Variants in EFR3B observed in about 807,000 individuals in gnomAD.
The protein encoded by EFR3B is protein EFR3 homolog B.
In EFR3B, 64 loss-of-function variants were observed where a neutral mutation model predicts 104.7. The observed-to-expected ratio is 0.61, with a 90% CI of 0.50 to 0.75. The LOEUF (loss-of-function observed/expected upper bound fraction) is 0.75. EFR3B is among the 30% of genes least tolerant of loss of function. The pLI is 0.00. For missense variants in EFR3B, 750 were observed against 1,078.5 expected, an observed-to-expected ratio of 0.70 and a Z score of 4.27; for synonymous variants, 385 against 417.9, an observed-to-expected ratio of 0.92 and a Z score of 0.96.
rs1208043854 is a variant in EFR3B, at chr2:25,141,350, T to A, written c.1855-16T>A. ...CCTGCTGAACCAGCTCTTATCTGATTCCTCCCAACCGCCAGGTGATAGAGA... is the reference window on the plus strand; with the variant it reads ...CCTGCTGAACCAGCTCTTATCTGATACCTCCCAACCGCCAGGTGATAGAGA... On this transcript the variant is annotated splice_polypyrimidine_tract_variant and intron_variant, in intron 16 of 22. Transcript: ENST00000403714. 6.4e-7 allele frequency: 1 copy of A among 1,550,774 alleles called. No homozygotes were observed. The highest frequency in any genetic ancestry group is 8.7e-7 in the Non-Finnish European group (1 of 1,146,596).
chr2:25,083,048 CAT>C (rs1388526309), intron 1 of EFR3B, among the ~76,000 whole-genome samples: 1 of 152,180 alleles, frequency 6.6e-6, no homozygotes, highest in African/African-American at 2.4e-5. Context: ...CTGCCAAAAT[CAT>C]GTGTCATTGA....
At chr2:25,045,124 C>T (rs1297402657) in intron 1 of EFR3B, among the ~76,000 whole-genome samples, 1 of 152,186 alleles carries the variant, frequency 6.6e-6, no homozygotes, top group Non-Finnish European at 1.5e-5. Context: ...CCTCTTTGGG[C>T]CCCCTTGGAC....
In EFR3B at chr2:25,061,761, G is replaced by T. The variant is rs112818346; in HGVS notation, c.7+19442G>T. ...TCCACCCGCCTTGGCCTCCCAAAGT[G>T]CTGGGATTATAGGCGTGAGCCACCC... On this transcript the variant is annotated intron_variant, in intron 1 of 22. Transcript: ENST00000403714. 4.8e-4 allele frequency among the ~76,000 whole-genome samples: 73 copies of T among 152,058 alleles called. 1 individual carries two copies. Among genetic ancestry groups the T allele is most frequent in the Middle Eastern group, 6.8e-3 (2 of 292 alleles).
chr2:25,056,981 G>C (rs1189549292), intron 1 of EFR3B, among the ~76,000 whole-genome samples: 1 of 152,176 alleles, frequency 6.6e-6, no homozygotes, highest in Non-Finnish European at 1.5e-5. Context: ...TAAACTGGGA[G>C]AGCTGGAATG....
At chr2:25,129,902 G>T in intron 6 of EFR3B, 73 bp from the exon 7 acceptor site, 1 of 1,510,272 alleles carries the variant, frequency 6.6e-7, no homozygotes. Flanking sequence ...ATGAAACACG[G>T]AAAGCCGGGA....
chr2:25,153,049 C>A (rs1411025028), intron 21 of EFR3B, among the ~76,000 whole-genome samples: 1 of 152,032 alleles, frequency 6.6e-6, no homozygotes, highest in African/African-American at 2.4e-5. Flanking sequence ...CTGCTCCTTG[C>A]AAGTTAGAAA....
chr2:25,103,399 AG>A (rs1437026260), intron 3 of EFR3B, among the ~76,000 whole-genome samples: 1 of 152,240 alleles, frequency 6.6e-6, no homozygotes, highest in Non-Finnish European at 1.5e-5. Flanking sequence ...AATCTGTAAA[AG>A]GAGGGGCTGG....
rs563124031 is a variant in EFR3B, at chr2:25,130,225, C to A, written c.770+116C>A. 4.2e-6 allele frequency: 6 copies of A among 1,435,662 alleles called. No individual in the cohort carries two copies. Among genetic ancestry groups the A allele is most frequent in the South Asian group, 1.3e-5 (1 of 74,288 alleles). 88.9% of individuals were successfully genotyped at this position (1,435,662 alleles called of 1,614,324 possible). On this transcript the variant is annotated intron_variant, in intron 7 of 22. Coordinates refer to ENST00000403714, the MANE Select transcript of EFR3B (RefSeq NM_014971.2). The surrounding 1 kb of genome is among the most constrained non-coding windows in gnomAD (Gnocchi z 4.6). ...GATATTACAGTTGTGGTGCCGCAGC[C>A]GAGTCGATCCCTTCCCTGTGCCTGT...
intron 4 of EFR3B, among the ~76,000 whole-genome samples, chr2:25,115,500 C>T (rs1315568505): frequency 2.0e-5 from 3 of 152,182 alleles, no homozygotes; most frequent in Admixed American, 6.5e-5. Context: ...TGCTGAAAAT[C>T]GTATCAGATA....
At chr2:25,139,258 T>C (rs1290768408) in intron 16 of EFR3B, 68 bp downstream of exon 16, 26 of 1,506,010 alleles carry the variant, frequency 1.7e-5, no homozygotes, top group Admixed American at 6.6e-5. Context: ...CAGCTTTTCC[T>C]TAATTGCATT....
chr2:25,071,943 G>A (rs1668509941), intron 1 of EFR3B, among the ~76,000 whole-genome samples: 1 of 152,214 alleles, frequency 6.6e-6, no homozygotes, highest in Admixed American at 6.5e-5. Context: ...GCTTTTCAAT[G>A]TATCTGTTTT....
At chr2:25,081,356 G>A in intron 1 of EFR3B, 1 of 934,440 alleles carries the variant, frequency 1.1e-6, no homozygotes, top group Non-Finnish European at 1.7e-6. Flanking sequence ...GAGTCCCAGA[G>A]AACTTGCCAG....
chr2:25,059,632 A>C (rs1573170078), intron 1 of EFR3B, among the ~76,000 whole-genome samples: 1 of 146,912 alleles, frequency 6.8e-6, no homozygotes, highest in Non-Finnish European at 1.5e-5. Context: ...TCAGTTTTGC[A>C]AGGTGAAAAG....
Position 25,131,356 on chromosome 2 carries a change from T to C in EFR3B, c.850-12T>C, listed in dbSNP as rs1437564391. On this transcript the variant is annotated splice_polypyrimidine_tract_variant and intron_variant, in intron 8 of 22. Coordinates refer to ENST00000403714, the MANE Select transcript of EFR3B (RefSeq NM_014971.2). The surrounding 1 kb of genome is among the most constrained non-coding windows in gnomAD (Gnocchi z 7.6). Reference sequence around the variant, plus strand: ...GGTTGCTGTCCAGGCCCAGCTCATCTTCCTCCCGCAGCCGCAGCACTCACA... The same window carrying C: ...GGTTGCTGTCCAGGCCCAGCTCATCCTCCTCCCGCAGCCGCAGCACTCACA... The C allele has an allele frequency of 6.5e-7, 1 of 1,549,336 alleles. No individual in the cohort carries two copies. The highest frequency in any genetic ancestry group is 8.7e-7 in the Non-Finnish European group (1 of 1,145,914).
chr2:25,133,119 T>C, intron 11 of EFR3B, 105 bp downstream of exon 11: 1 of 1,095,330 alleles, frequency 9.1e-7, no homozygotes, highest in Admixed American at 2.2e-5. Context: ...CCCTCTGCTC[T>C]CTTTTTACTC....
At chr2:25,128,687 G>C (rs1558613265) in intron 6 of EFR3B, among the ~76,000 whole-genome samples, 5 of 152,046 alleles carry the variant, frequency 3.3e-5, no homozygotes. Context: ...GGCCGGGCGC[G>C]GTGGCTCACG....
At position 25,130,597 on chromosome 2, in the gene EFR3B, C is replaced by G; in HGVS notation, c.816C>G (p.Ile272Met). Residue 272 changes from isoleucine (I) to methionine (M), a missense_variant, in exon 8 of 23, where the codon ATC (isoleucine) becomes ATG (methionine). By Grantham distance (10) the Ile-to-Met change is conservative (BLOSUM62 1). Coordinates refer to ENST00000403714, the MANE Select transcript of EFR3B (RefSeq NM_014971.2). The surrounding 1 kb of genome is among the most constrained non-coding windows in gnomAD (Gnocchi z 4.6). Reference protein sequence around the residue: ...HSLWEPKVFAIRCFKIIMYSI... With the variant: ...HSLWEPKVFAMRCFKIIMYSI... ...TTTGGGAACCCAAGGTGTTTGCCAT[C>G]CGTTGCTTTAAAATCATCATGTACT... 6.4e-7 allele frequency: 1 copy of G among 1,551,732 alleles called. No homozygotes were observed. Among genetic ancestry groups the G allele is most frequent in the Non-Finnish European group, 8.7e-7 (1 of 1,147,006 alleles).
intron 5 of EFR3B, among the ~76,000 whole-genome samples, chr2:25,124,665 G>A (rs1046290250): frequency 1.0e-4 from 15 of 149,088 alleles, no homozygotes; most frequent in African/African-American, 2.0e-4. Flanking sequence ...GTGTAAACCC[G>A]GAGGCAGAGC....
intron 5 of EFR3B, among the ~76,000 whole-genome samples, chr2:25,125,049 C>G (rs775609010): frequency 2.0e-5 from 3 of 152,182 alleles, no homozygotes; most frequent in Non-Finnish European, 2.9e-5. Context: ...CGGAGTGAGA[C>G]TCCGTGTCGA....
Sources: gnomAD v4.1 joint callset for allele counts (sites outside exome capture counted in the v4.1 genomes callset) on GRCh38, gnomAD v4.1.1 for gene constraint, Gnocchi (gnomAD v3.1) non-coding constraint, MANE v1.5 for transcripts, NCBI Gene and HGNC (gene_info 2026-07-23, HGNC 2026-07-21) for gene names.